CRELD1: variants seen among roughly 807,000 people sequenced by gnomAD.
CRELD1 encodes the protein protein disulfide isomerase CRELD1.
Under a neutral mutation model 58.2 loss-of-function variants are expected in CRELD1, and 42 were observed. That is an observed-to-expected ratio of 0.72 (90% CI 0.56 to 0.93). The LOEUF is 0.93. Among genes scored for constraint, CRELD1 ranks in the 40% least tolerant of loss-of-function variants. CRELD1 has a pLI of 0.00. For missense variants in CRELD1, 500 were observed against 540.6 expected (o/e 0.92, Z 0.74); for synonymous variants, 222 against 202.0 (o/e 1.10, Z -0.84).
chr3:9,934,321 C>A, intron 1 of CRELD1, 99 bp from the exon 2 acceptor site: 30 of 926,830 alleles, frequency 3.2e-5, no homozygotes, highest in Admixed American at 3.5e-5. Flanking sequence ...CTTGTAATAA[C>A]GCAGATCCCA....
intron 7 of CRELD1, 137 bp from the exon 8 acceptor site, chr3:9,942,676 C>T (rs1186134331): frequency 5.3e-6 from 4 of 748,270 alleles, no homozygotes; most frequent in African/African-American, 1.7e-5. Context: ...TCCAGCTAGT[C>T]TGCTTCTGTG....
At chr3:9,937,788 C>T in intron 4 of CRELD1, 116 bp downstream of exon 4, 2 of 828,950 alleles carry the variant, frequency 2.4e-6, no homozygotes, top group Admixed American at 2.0e-5. Flanking sequence ...GGTTGTGCTC[C>T]TTCCAAACCC....
intron 6 of CRELD1, 34 bp from the exon 7 acceptor site, chr3:9,941,077 C>G: frequency 1.2e-6 from 2 of 1,613,824 alleles, no homozygotes; most frequent in Non-Finnish European, 1.7e-6. Context: ...GGGCACCTGC[C>G]TGCCCATCCT....
Position 9,934,541 on chromosome 3 carries a change from C to A in CRELD1, c.103C>A (p.Pro35Thr). ...GPIWLQPSPP[P>T]QSSPPPQPHP... is the part of the protein sequence containing the mutation. ...TATCTGGCTCCAGCCCTCTCCACCT[C>A]CCCAGTCTTCTCCCCCGCCTCAGCC... The change falls in exon 2 of 11, where the codon CCC becomes ACC. Residue 35 changes from proline (P) to threonine (T), a missense_variant. Transcript: ENST00000452070. 6.2e-7 allele frequency: 1 copy of A among 1,614,130 alleles called. No individual in the cohort carries two copies. Among genetic ancestry groups the A allele is most frequent in the South Asian group, 1.1e-5 (1 of 91,086 alleles).
chr3:9,940,960 G>C lies in CRELD1; in HGVS notation c.571G>C (p.Ala191Pro). 1 of 1,614,188 alleles carries C rather than the reference G, an allele frequency of 6.2e-7. No individual in the cohort carries two copies. Among genetic ancestry groups the C allele is most frequent in the Non-Finnish European group, 8.5e-7 (1 of 1,180,034 alleles). Residue 191 changes from alanine to proline, a missense_variant, in exon 6 of 11, where the codon GCC becomes CCC. Transcript: ENST00000452070. ...CDCQAGYGGE[A>P]CGQCGLGYFE... ...CTGCCAAGCCGGCTACGGGGGTGAG[G>C]CCTGTGGCCAGTGTGGCCTTGGCTA...
chr3:9,943,654 G>A, intron 10 of CRELD1, 139 bp downstream of exon 10: 2 of 1,566,642 alleles, frequency 1.3e-6, no homozygotes, highest in Non-Finnish European at 1.7e-6. Flanking sequence ...ACTGAGACCG[G>A]GCTCTACATC....
intron 7 of CRELD1, 86 bp from the exon 8 acceptor site, chr3:9,942,727 C>T (rs943766337): frequency 9.6e-7 from 1 of 1,045,914 alleles, no homozygotes; most frequent in African/African-American, 1.6e-5. Context: ...CATTTAATCC[C>T]AGGCAAGACC....
Position 9,945,005 on chromosome 3 carries a change from A to G in CRELD1, c.*426A>G. 2 of 253,216 alleles carry G rather than the reference A, an allele frequency of 7.9e-6. No homozygotes were observed. The highest frequency in any genetic ancestry group is 1.8e-4 in the East Asian group (2 of 10,838). 15.7% of individuals were successfully genotyped at this position (253,216 alleles called of 1,614,324 possible). On this transcript the variant is annotated 3_prime_UTR_variant, in exon 11 of 11. Transcript: ENST00000452070. ...TGCCACTTATTTATTCATCTCAGGAAATAAAGAAAGGTCTTGGAAAGTTAA... is the reference window on the plus strand; with the variant it reads ...TGCCACTTATTTATTCATCTCAGGAGATAAAGAAAGGTCTTGGAAAGTTAA...
chr3:9,935,867 G>A (rs1007923440), intron 3 of CRELD1: 1 of 152,088 alleles, frequency 6.6e-6, no homozygotes, highest in African/African-American at 2.4e-5. Flanking sequence ...TACAAATCTG[G>A]AATTCAGAAA....
intron 3 of CRELD1, chr3:9,936,136 C>T (rs1168916690): frequency 6.6e-6 from 1 of 152,174 alleles, no homozygotes; most frequent in Non-Finnish European, 1.5e-5. Context: ...CTTAACCTCT[C>T]AGAGCCACAG....
At position 9,944,372 on chromosome 3, in the gene CRELD1, A is replaced by G. The variant is rs777648881; in HGVS notation, c.1056A>G (p.Ala352=). The G allele has an allele frequency of 6.2e-7, 1 of 1,613,930 alleles. No homozygotes were observed. Among genetic ancestry groups the G allele is most frequent in the Non-Finnish European group, 8.5e-7 (1 of 1,179,896 alleles). Residue 352 remains alanine, a synonymous_variant, in exon 11 of 11, where the codon GCA becomes GCG. Coordinates refer to ENST00000452070, the MANE Select transcript of CRELD1 (RefSeq NM_001077415.3). ...TCTCTTGCTCCTCTGCAGAGTCAGCAGGCTTCTTCTCAGAGATGACAGAAG... is the reference window on the plus strand; with the variant it reads ...TCTCTTGCTCCTCTGCAGAGTCAGCGGGCTTCTTCTCAGAGATGACAGAAG... ...ICVKEQIPES[A]GFFSEMTEDE...
intron 3 of CRELD1, 82 bp from the exon 4 acceptor site, chr3:9,937,480 C>T (rs886235801): frequency 1.5e-5 from 14 of 912,162 alleles, no homozygotes; most frequent in African/African-American, 3.2e-5. Flanking sequence ...TTTCACCGCA[C>T]GAGGAAGGGT....
In CRELD1 at chr3:9,934,547, T is replaced by G; in HGVS notation, c.109T>G (p.Ser37Ala). 1 of 1,614,006 alleles carries G rather than the reference T, an allele frequency of 6.2e-7. No homozygotes were observed. Among genetic ancestry groups the G allele is most frequent in the Non-Finnish European group, 8.5e-7 (1 of 1,179,982 alleles). Residue 37 changes from serine to alanine, a missense_variant, in exon 2 of 11, where the codon TCT becomes GCT. Transcript: ENST00000452070. Reference sequence around the variant, plus strand: ...GCTCCAGCCCTCTCCACCTCCCCAGTCTTCTCCCCCGCCTCAGCCCCATCC... The same window carrying G: ...GCTCCAGCCCTCTCCACCTCCCCAGGCTTCTCCCCCGCCTCAGCCCCATCC... ...IWLQPSPPPQSSPPPQPHPCH... is the reference protein window; with the variant it reads ...IWLQPSPPPQASPPPQPHPCH...
chr3:9,937,706 C>A, intron 4 of CRELD1, 34 bp downstream of exon 4: 1 of 1,446,994 alleles, frequency 6.9e-7, no homozygotes, highest in Non-Finnish European at 9.6e-7. Flanking sequence ...GGAAGTGGGT[C>A]ACAGGTGAGG....
chr3:9,936,310 A>G (rs1334765584), intron 3 of CRELD1: 2 of 152,096 alleles, frequency 1.3e-5, no homozygotes, highest in Admixed American at 6.5e-5. Context: ...CTCATTCAGG[A>G]ATGAGGGGAT....
intron 5 of CRELD1, chr3:9,938,374 C>A (rs2085253616): frequency 2.2e-6 from 1 of 460,244 alleles, no homozygotes; most frequent in Non-Finnish European, 4.0e-6. Flanking sequence ...CCTTCATTTC[C>A]CATGCCAGAT....
rs906257520 is a variant in CRELD1 at position 9,934,345 on chromosome 3, T to C, written c.-19-75T>C. On this transcript the variant is annotated intron_variant, in intron 1 of 10. Coordinates refer to ENST00000452070, the MANE Select transcript of CRELD1 (RefSeq NM_001077415.3). ...ACGCAGATCCCAGCGCCACGGCACC[T>C]TAGAACAGACCTTTTTCTTTCTCGC... 1.1e-5 allele frequency: 13 copies of C among 1,216,810 alleles called. No homozygotes were observed. The African/African-American group carries it at 1.9e-4, about 18-fold the overall frequency. 75.4% of individuals were successfully genotyped at this position (1,216,810 alleles called of 1,614,324 possible). A position where few individuals can be genotyped will look rare whatever the true frequency, so the allele number is the denominator to read the frequency against.
intron 3 of CRELD1, chr3:9,935,171 A>G: frequency 2.2e-6 from 1 of 451,538 alleles, no homozygotes; most frequent in South Asian, 2.4e-5. Flanking sequence ...AGCACGGTAG[A>G]CTGCAGGACG....
At chr3:9,942,924 G>T in intron 8 of CRELD1, 28 bp downstream of exon 8, 1 of 1,595,184 alleles carries the variant, frequency 6.3e-7, no homozygotes, top group South Asian at 1.1e-5. Flanking sequence ...CAGAGGAGGG[G>T]ACGTGAGGAG....
Sources: allele counts gnomAD v4.1 joint callset, GRCh38; gene constraint gnomAD v4.1.1; transcripts MANE v1.5; gene names NCBI Gene and HGNC (gene_info 2026-07-23, HGNC 2026-07-21).